Variants in RABGAP1L observed in about 807,000 individuals in gnomAD.
RABGAP1L encodes rab GTPase-activating protein 1-like.
RABGAP1L carries 63 observed loss-of-function variants against 137.7 expected under a neutral mutation model. The observed-to-expected ratio is 0.46, with a 90% confidence interval of 0.37 to 0.56. The LOEUF is 0.56. Among genes scored for constraint, RABGAP1L ranks in the 20% least tolerant of loss-of-function variants. RABGAP1L has a pLI of 0.00. For missense variants in RABGAP1L, 1,095 were observed against 1,244.0 expected (o/e 0.88, Z 1.80); for synonymous variants, 431 against 433.7 (o/e 0.99, Z 0.08).
At chr1:174,441,200 A>G (rs1654099867) in intron 13 of RABGAP1L, among the ~76,000 whole-genome samples, 1 of 151,910 alleles carries the variant, frequency 6.6e-6, no homozygotes, top group African/African-American at 2.4e-5. Flanking sequence ...TCTGATTAGC[A>G]TTCATCAGTT....
At chr1:174,285,078 A>G (rs1466340691) in intron 10 of RABGAP1L, among the ~76,000 whole-genome samples, 2 of 151,872 alleles carry the variant, frequency 1.3e-5, no homozygotes, top group Admixed American at 6.6e-5. Context: ...GTGCAGTGGT[A>G]TGATCTTGGC....
intron 17 of RABGAP1L, among the ~76,000 whole-genome samples, chr1:174,722,659 C>G (rs1407521222): frequency 2.6e-5 from 4 of 151,958 alleles, no homozygotes; most frequent in Non-Finnish European, 5.9e-5. Context: ...TCATGTTGTC[C>G]AGGCTGGTCG....
At chr1:174,324,186 T>C (rs1030742856) in intron 11 of RABGAP1L, among the ~76,000 whole-genome samples, 6 of 152,194 alleles carry the variant, frequency 3.9e-5, no homozygotes, top group African/African-American at 1.4e-4. Flanking sequence ...CATGGCCATT[T>C]TGACAGTTGT....
chr1:174,609,628 T>C (rs1328503550), intron 13 of RABGAP1L, among the ~76,000 whole-genome samples: 4 of 152,182 alleles, frequency 2.6e-5, no homozygotes, highest in Non-Finnish European at 5.9e-5. Flanking sequence ...CTAACCTTCA[T>C]GTCAATCTAC....
At chr1:174,571,342 A>G (rs1256063734) in intron 13 of RABGAP1L, among the ~76,000 whole-genome samples, 1 of 152,142 alleles carries the variant, frequency 6.6e-6, no homozygotes, top group East Asian at 1.9e-4. Flanking sequence ...AAGAATGAGT[A>G]AGACCTAGTA....
At chr1:174,551,607 A>G (rs1236021769) in intron 13 of RABGAP1L, among the ~76,000 whole-genome samples, 2 of 152,178 alleles carry the variant, frequency 1.3e-5, no homozygotes, top group Non-Finnish European at 2.9e-5. Context: ...TCAAGGAACT[A>G]CTAAGTTTCT....
intron 13 of RABGAP1L, among the ~76,000 whole-genome samples, chr1:174,631,830 G>T (rs1673414453): frequency 6.6e-6 from 1 of 150,966 alleles, no homozygotes; most frequent in Non-Finnish European, 1.5e-5. Flanking sequence ...ACACTGATGG[G>T]TCCTGACTCT....
At chr1:174,699,434 T>C (rs1387255965) in intron 15 of RABGAP1L, 91 bp from the exon 16 acceptor site, 10 of 1,220,554 alleles carry the variant, frequency 8.2e-6, no homozygotes, top group South Asian at 5.0e-5. Context: ...TTCAGCTACT[T>C]ATGCAGAGGA....
intron 13 of RABGAP1L, among the ~76,000 whole-genome samples, chr1:174,501,722 T>C (rs1222364077): frequency 6.6e-6 from 1 of 152,222 alleles, no homozygotes; most frequent in Non-Finnish European, 1.5e-5. Context: ...ATAGTATCTT[T>C]TTATTAACAT....
At chr1:174,624,526 A>T (rs918540018) in intron 13 of RABGAP1L, among the ~76,000 whole-genome samples, 1 of 152,226 alleles carries the variant, frequency 6.6e-6, no homozygotes, top group Non-Finnish European at 1.5e-5. Context: ...GGAAGTTTTC[A>T]TATAGACTTG....
intron 18 of RABGAP1L, among the ~76,000 whole-genome samples, chr1:174,764,662 G>C (rs1685518872): frequency 1.3e-5 from 2 of 152,168 alleles, no homozygotes; most frequent in African/African-American, 4.8e-5. Context: ...CCAGGTTGGA[G>C]TGCAGTGGCA....
intron 13 of RABGAP1L, among the ~76,000 whole-genome samples, chr1:174,469,440 T>C (rs1303671920): frequency 1.3e-5 from 2 of 152,224 alleles, no homozygotes; most frequent in African/African-American, 4.8e-5. Flanking sequence ...TCACTGGTAA[T>C]GCTTATTAAA....
chr1:174,326,752 ATAT>A (rs1680471516), intron 11 of RABGAP1L, among the ~76,000 whole-genome samples: 1 of 152,232 alleles, frequency 6.6e-6, no homozygotes. Context: ...CAACTATAAG[ATAT>A]ATTAGAAACA....
chr1:174,776,360 A>G (rs547682246), intron 18 of RABGAP1L, among the ~76,000 whole-genome samples: 2 of 152,184 alleles, frequency 1.3e-5, no homozygotes, highest in South Asian at 2.1e-4. Flanking sequence ...GGACAAAACA[A>G]TGAGACTTCA....
intron 19 of RABGAP1L, among the ~76,000 whole-genome samples, chr1:174,832,548 A>T (rs1692221972): frequency 6.8e-6 from 1 of 147,968 alleles, no homozygotes; most frequent in African/African-American, 2.5e-5. Flanking sequence ...AGAGTTGGTG[A>T]TGGATCTTAG....
At chr1:174,821,849 T>C (rs1243132662) in intron 19 of RABGAP1L, among the ~76,000 whole-genome samples, 1 of 152,240 alleles carries the variant, frequency 6.6e-6, no homozygotes, top group East Asian at 1.9e-4. Flanking sequence ...ACATCTTGTG[T>C]TCCTTTTCTA....
intron 19 of RABGAP1L, among the ~76,000 whole-genome samples, chr1:174,830,120 T>C (rs1691954213): frequency 6.8e-6 from 1 of 148,064 alleles, no homozygotes; most frequent in South Asian, 2.2e-4. Flanking sequence ...CACAATACTG[T>C]GATCCATGTT....
chr1:174,329,959 A>G (rs1680883125), intron 11 of RABGAP1L, among the ~76,000 whole-genome samples: 1 of 152,124 alleles, frequency 6.6e-6, no homozygotes, highest in Non-Finnish European at 1.5e-5. Context: ...CAAAAAAAAA[A>G]AAATTGAAAA....
At chr1:174,866,141 GA>G (rs1187354129) in intron 19 of RABGAP1L, among the ~76,000 whole-genome samples, 59 of 150,556 alleles carry the variant, frequency 3.9e-4, no homozygotes, top group African/African-American at 1.4e-3. Flanking sequence ...GAGAGAGAGA[GA>G]GAGAGAGAGA....
Sources: gnomAD v4.1 joint callset for allele counts (sites outside exome capture counted in the v4.1 genomes callset) on GRCh38, gnomAD v4.1.1 for gene constraint, MANE v1.5 for transcripts, NCBI Gene and HGNC (gene_info 2026-07-23, HGNC 2026-07-21) for gene names.